ECT2L: variants seen among roughly 807,000 people sequenced by gnomAD.
ECT2L encodes the protein epithelial cell transforming 2 like.
Under a neutral mutation model 122.8 loss-of-function variants are expected in ECT2L, and 126 were observed. The ratio of observed to expected loss-of-function variants is 1.03; its 90% CI spans 0.89 to 1.19. ECT2L has a LOEUF of 1.19. ECT2L is among the 50% of genes most tolerant of loss of function. The pLI is 0.00. For synonymous variants in ECT2L, 385 were observed against 381.8 expected (o/e 1.01, Z -0.10); for missense variants, 1,012 against 1,064.1 (o/e 0.95, Z 0.68).
intron 1 of ECT2L, among the ~76,000 whole-genome samples, chr6:138,797,307 C>G (rs1291076467): frequency 6.6e-6 from 1 of 152,126 alleles, no homozygotes; most frequent in Non-Finnish European, 1.5e-5. Flanking sequence ...TCTTTAGAAC[C>G]AGATACCTTT....
chr6:138,799,550 C>T (rs1013119672), intron 1 of ECT2L, among the ~76,000 whole-genome samples: 3 of 151,728 alleles, frequency 2.0e-5, no homozygotes, highest in African/African-American at 4.8e-5. Context: ...CCACCGCGCC[C>T]GGCCTCTTTT....
chr6:138,864,002 TAAAA>T lies in ECT2L; in HGVS notation c.1292-970_1292-967del, dbSNP rs1172466449. ...CTCTCTTGTTCTCATTCTCCGTATT[TAAAA>T]AAAAAAAAAAAAAAAAAAAAAAAGC... On this transcript the variant is annotated intron_variant, in intron 11 of 21. Coordinates refer to ENST00000541398, the MANE Select transcript of ECT2L (RefSeq NM_001077706.3). Among the ~76,000 whole-genome samples, 476 of 55,852 alleles carry T rather than the reference TAAAA, an allele frequency of 8.5e-3. 6 individuals carry two copies. The highest frequency in any genetic ancestry group is 0.035 in the African/African-American group (449 of 12,760). 36.6% of individuals were successfully genotyped at this position (55,852 alleles called of 152,430 possible). A position where few individuals can be genotyped will look rare whatever the true frequency, so the allele number is the denominator to read the frequency against.
chr6:138,817,430 A>C (rs79092821), intron 4 of ECT2L, among the ~76,000 whole-genome samples: 2,217 of 152,308 alleles, frequency 0.015, 58 homozygotes, highest in African/African-American at 0.05. Context: ...AATTAGTATT[A>C]TTTGAATACT....
intron 4 of ECT2L, chr6:138,822,664 T>C (rs777634084): frequency 8.0e-7 from 1 of 1,252,320 alleles, no homozygotes; most frequent in Non-Finnish European, 1.1e-6. Context: ...GATGGCCGAA[T>C]AGGAACAGCT....
chr6:138,857,352 A>C (rs536543829), intron 10 of ECT2L, among the ~76,000 whole-genome samples: 1 of 152,162 alleles, frequency 6.6e-6, no homozygotes, highest in South Asian at 2.1e-4. Context: ...TCCCACCTAG[A>C]GTTTCAGACT....
At chr6:138,814,926 A>G (rs1410434327) in intron 4 of ECT2L, among the ~76,000 whole-genome samples, 1 of 152,232 alleles carries the variant, frequency 6.6e-6, no homozygotes, top group Non-Finnish European at 1.5e-5. Context: ...AATATATTGC[A>G]AATGGATGTC....
intron 5 of ECT2L, 74 bp from the exon 6 acceptor site, chr6:138,842,905 G>T: frequency 7.5e-7 from 1 of 1,340,208 alleles, no homozygotes; most frequent in South Asian, 2.5e-5. Context: ...AAAAGTATCT[G>T]TGTACCTGAA....
At position 138,854,139 on chromosome 6, in the gene ECT2L, C is replaced by G. The variant is rs529620990; in HGVS notation, c.1183C>G (p.Pro395Ala). 5 of 1,613,680 alleles carry G rather than the reference C, an allele frequency of 3.1e-6. No individual in the cohort carries two copies. In the South Asian group the frequency reaches 4.4e-5, roughly 14 times the overall value. Residue 395 changes from proline (P) to alanine (A), a missense_variant, in exon 10 of 22, where the codon CCC (proline) becomes GCC (alanine). Coordinates refer to ENST00000541398, the MANE Select transcript of ECT2L (RefSeq NM_001077706.3). ...AGGGGGTCACGTGGACTTCTTCGTG[C>G]CCCTTGGAGCATCAGGTTAGCTCAG... Reference protein sequence around the residue: ...EEGGHVDFFVPLGASEAGIEV... With the variant: ...EEGGHVDFFVALGASEAGIEV...
At chr6:138,887,834 C>A (rs532027396) in intron 19 of ECT2L, among the ~76,000 whole-genome samples, 1 of 152,194 alleles carries the variant, frequency 6.6e-6, no homozygotes, top group Non-Finnish European at 1.5e-5. Context: ...CTATAAAAAT[C>A]TAGTTCAATC....
intron 5 of ECT2L, among the ~76,000 whole-genome samples, chr6:138,842,632 C>A (rs374035241): frequency 4.6e-5 from 7 of 151,756 alleles, no homozygotes; most frequent in Admixed American, 4.6e-4. Flanking sequence ...ATTAGCCAGG[C>A]GTGGTGGCGG....
At chr6:138,797,991 G>A (rs72985072) in intron 1 of ECT2L, among the ~76,000 whole-genome samples, 4,801 of 152,208 alleles carry the variant, frequency 0.032, 112 homozygotes, top group Non-Finnish European at 0.041. Flanking sequence ...AGTGACTCAC[G>A]GAATTCAAGG....
intron 20 of ECT2L, among the ~76,000 whole-genome samples, chr6:138,889,413 G>A (rs1324931728): frequency 6.6e-6 from 1 of 151,590 alleles, no homozygotes; most frequent in African/African-American, 2.4e-5. Context: ...AGCAACCTCC[G>A]CCTCCAAGCT....
chr6:138,879,166 C>A, intron 14 of ECT2L: 3 of 261,526 alleles, frequency 1.1e-5, no homozygotes, highest in East Asian at 1.1e-4. Flanking sequence ...TGATCCGCCT[C>A]ATTGACAAGC....
chr6:138,884,983 A>G (rs1205441561), intron 16 of ECT2L, among the ~76,000 whole-genome samples: 1 of 151,222 alleles, frequency 6.6e-6, no homozygotes, highest in East Asian at 1.9e-4. Flanking sequence ...GATTAAGTTC[A>G]ATGAATAGGG....
chr6:138,851,949 G>A (rs1022097588), intron 9 of ECT2L, among the ~76,000 whole-genome samples: 8 of 152,092 alleles, frequency 5.3e-5, no homozygotes, highest in Admixed American at 1.3e-4. Flanking sequence ...GAAAGGAATG[G>A]CTGATATCAT....
Position 138,806,637 on chromosome 6 carries a change from C to T in ECT2L, c.-243-6201C>T, listed in dbSNP as rs1049106625. 4.0e-5 allele frequency among the ~76,000 whole-genome samples: 6 copies of T among 150,320 alleles called. No homozygotes were observed. The East Asian group carries it at 5.9e-4, about 15-fold the overall frequency. On this transcript the variant is annotated intron_variant, in intron 1 of 21. Coordinates refer to ENST00000541398, the MANE Select transcript of ECT2L (RefSeq NM_001077706.3). ...AAGCGATTCTCCTGTCTCAGTCTCTCGAGTAGCTAGGATTACAGGTGCCCA... is the reference window on the plus strand; with the variant it reads ...AAGCGATTCTCCTGTCTCAGTCTCTTGAGTAGCTAGGATTACAGGTGCCCA...
At chr6:138,857,861 G>A (rs879478052) in intron 10 of ECT2L, among the ~76,000 whole-genome samples, 1 of 152,124 alleles carries the variant, frequency 6.6e-6, no homozygotes, top group Non-Finnish European at 1.5e-5. Context: ...CCGAGACTGG[G>A]TAATTTATAA....
chr6:138,797,200 C>G lies in ECT2L; in HGVS notation c.-244+1008C>G, dbSNP rs980771699. Among the ~76,000 whole-genome samples the G allele has an allele frequency of 3.3e-5, 5 of 152,162 alleles. No individual in the cohort carries two copies. In the East Asian group the frequency reaches 9.6e-4, roughly 29 times the overall value. Reference sequence around the variant, plus strand: ...ATACTGGCATGTAGTTTTACATGCCCTAAATGTGGGACATTTAACTCAACT... The same window carrying G: ...ATACTGGCATGTAGTTTTACATGCCGTAAATGTGGGACATTTAACTCAACT... On this transcript the variant is annotated intron_variant, in intron 1 of 21. Transcript: ENST00000541398.
chr6:138,887,363 A>G (rs774266922), intron 19 of ECT2L, among the ~76,000 whole-genome samples: 7 of 151,864 alleles, frequency 4.6e-5, no homozygotes, highest in Non-Finnish European at 7.4e-5. Flanking sequence ...AGTAGCTGGG[A>G]CTACAGGTGT....
Sources: gnomAD v4.1 joint callset for allele counts (sites outside exome capture counted in the v4.1 genomes callset) on GRCh38, gnomAD v4.1.1 for gene constraint, MANE v1.5 for transcripts, NCBI Gene and HGNC (gene_info 2026-07-23, HGNC 2026-07-21) for gene names.